KCNQ5: variants seen among roughly 807,000 people sequenced by gnomAD.
KCNQ5 encodes the protein potassium voltage-gated channel subfamily KQT member 5.
In KCNQ5, 30 loss-of-function variants were observed where a neutral mutation model predicts 98.2. The ratio of observed to expected loss-of-function variants is 0.31; its 90% confidence interval spans 0.23 to 0.41. KCNQ5 has a LOEUF of 0.41. Ranked by LOEUF, KCNQ5 falls within the 10% of genes least tolerant of loss-of-function variation. The pLI is 1.00. For synonymous variants in KCNQ5, 458 were observed against 449.4 expected (o/e 1.02, Z -0.24); for missense variants, 835 against 1,182.5 (o/e 0.71, Z 4.31).
At chr6:72,834,251 G>T (rs1435836392) in intron 1 of KCNQ5, among the ~76,000 whole-genome samples, 3 of 151,954 alleles carry the variant, frequency 2.0e-5, no homozygotes, top group Admixed American at 2.0e-4. Context: ...TCATTAAATT[G>T]GGCTTGGATA....
At chr6:72,847,514 G>A (rs577362660) in intron 1 of KCNQ5, among the ~76,000 whole-genome samples, 1 of 149,012 alleles carries the variant, frequency 6.7e-6, no homozygotes, top group African/African-American at 2.6e-5. Context: ...CGATTTACCA[G>A]AAGTGGAAGA....
chr6:72,884,895 G>A (rs779564880), intron 1 of KCNQ5, among the ~76,000 whole-genome samples: 1 of 152,144 alleles, frequency 6.6e-6, no homozygotes, highest in Non-Finnish European at 1.5e-5. Context: ...TGGGATTACA[G>A]GCGTGAGCCA....
At position 73,122,109 on chromosome 6, in the gene KCNQ5, C is replaced by T. The variant is rs113040168; in HGVS notation, c.1220+1532C>T. Among the ~76,000 whole-genome samples, 410 of 152,146 alleles carry T rather than the reference C, an allele frequency of 2.7e-3. 1 individual carries two copies. The highest frequency in any genetic ancestry group is 9.2e-3 in the African/African-American group (382 of 41,508). ...TTTCAACATTTTGATATTAAAAAAC[C>T]GAAAATAGAACCTAACTCCTGTGCC... On this transcript the variant is annotated intron_variant, in intron 8 of 13. Transcript: ENST00000370398.
At chr6:72,681,104 G>T (rs1369136154) in intron 1 of KCNQ5, among the ~76,000 whole-genome samples, 1 of 152,212 alleles carries the variant, frequency 6.6e-6, no homozygotes, top group East Asian at 1.9e-4. Flanking sequence ...CAGGACACAA[G>T]TTGAGTGAGC....
intron 1 of KCNQ5, among the ~76,000 whole-genome samples, chr6:72,760,853 A>G (rs1373557792): frequency 6.6e-6 from 1 of 152,130 alleles, no homozygotes; most frequent in East Asian, 1.9e-4. Flanking sequence ...TTCGCAAGGA[A>G]TGCGTTAGTT....
chr6:72,752,802 A>G (rs1771752915), intron 1 of KCNQ5, among the ~76,000 whole-genome samples: 2 of 152,250 alleles, frequency 1.3e-5, no homozygotes, highest in South Asian at 4.1e-4. Context: ...ATTTTCTACA[A>G]GTATTAATAC....
At position 73,169,841 on chromosome 6, in the gene KCNQ5, A is replaced by C; in HGVS notation, c.1564A>C (p.Ile522Leu). The C allele has an allele frequency of 6.2e-7, 1 of 1,607,608 alleles. No individual in the cohort carries two copies. The highest frequency in any genetic ancestry group is 8.5e-7 in the Non-Finnish European group (1 of 1,174,012). Residue 522 changes from isoleucine to leucine, a missense_variant, in exon 11 of 14, where the codon ATT becomes CTT. Physicochemically the swap from Ile to Leu is conservative, Grantham distance 5. Around this residue, in one of 10 missense-constraint regions of KCNQ5, gnomAD observed 146 missense variants for 256.7 expected, o/e 0.57. Coordinates refer to ENST00000370398, the MANE Select transcript of KCNQ5 (RefSeq NM_019842.4). ...EDLTPPLKTV[I>L]RAIRIMKFHV... ...CCTCACCCCACCACTTAAAACTGTC[A>C]TTCGAGCTATCAGGTTGGTGAAAAT...
At chr6:73,155,542 T>C (rs1233064032) in intron 10 of KCNQ5, among the ~76,000 whole-genome samples, 1 of 152,210 alleles carries the variant, frequency 6.6e-6, no homozygotes, top group African/African-American at 2.4e-5. Context: ...AAGGCCATTA[T>C]AAGATGAGGC....
chr6:72,627,713 C>T (rs986190282), intron 1 of KCNQ5, among the ~76,000 whole-genome samples: 5 of 152,178 alleles, frequency 3.3e-5, no homozygotes, highest in Admixed American at 6.5e-5. Flanking sequence ...GCATAGACTA[C>T]TATATAGCTA....
chr6:72,980,556 G>A (rs1447931028), intron 1 of KCNQ5, among the ~76,000 whole-genome samples: 1 of 152,166 alleles, frequency 6.6e-6, no homozygotes, highest in Non-Finnish European at 1.5e-5. Flanking sequence ...TTGCTTATTA[G>A]CTTAAGGAGA....
At position 72,984,710 on chromosome 6, in the gene KCNQ5, G is replaced by T. The variant is rs543975997; in HGVS notation, c.399-19198G>T. On this transcript the variant is annotated intron_variant, in intron 1 of 13. Coordinates refer to ENST00000370398, the MANE Select transcript of KCNQ5 (RefSeq NM_019842.4). ...GCCCTGCTTCAGCTCACCCTCCATG[G>T]GCTGCACCCACTGTCCAACTGGTCC... 7.2e-5 allele frequency among the ~76,000 whole-genome samples: 11 copies of T among 152,218 alleles called. No homozygotes were observed. In the South Asian group the frequency reaches 2.3e-3, roughly 32 times the overall value.
chr6:72,668,173 G>A (rs1766923060), intron 1 of KCNQ5, among the ~76,000 whole-genome samples: 1 of 152,116 alleles, frequency 6.6e-6, no homozygotes, highest in South Asian at 2.1e-4. Flanking sequence ...CGATAGTACA[G>A]GGTGTACAAT....
chr6:72,821,448 T>A (rs577499366), intron 1 of KCNQ5, among the ~76,000 whole-genome samples: 1 of 152,242 alleles, frequency 6.6e-6, no homozygotes, highest in African/African-American at 2.4e-5. Flanking sequence ...CTTGTCTACC[T>A]CCCAAATAGT....
At chr6:72,958,271 T>C (rs1480971981) in intron 1 of KCNQ5, among the ~76,000 whole-genome samples, 1 of 152,170 alleles carries the variant, frequency 6.6e-6, no homozygotes, top group Non-Finnish European at 1.5e-5. Flanking sequence ...AGGTTACCAG[T>C]TGGGAAGATG....
chr6:73,169,470 CA>C (rs1488209226), intron 10 of KCNQ5, among the ~76,000 whole-genome samples: 1 of 152,188 alleles, frequency 6.6e-6, no homozygotes, highest in East Asian at 1.9e-4. Flanking sequence ...ATAGGTGGAT[CA>C]ACACAAATCC....
chr6:72,779,839 GT>G, intron 1 of KCNQ5, among the ~76,000 whole-genome samples: 1 of 47,674 alleles, frequency 2.1e-5, no homozygotes, highest in South Asian at 1.2e-3. Flanking sequence ...GTGTGTGTGT[GT>G]GTGTGTGTGT....
chr6:73,003,657 A>G (rs1051001831), intron 1 of KCNQ5, among the ~76,000 whole-genome samples: 2 of 152,148 alleles, frequency 1.3e-5, no homozygotes, highest in African/African-American at 4.8e-5. Flanking sequence ...TAACATTTAA[A>G]TGCAGCATGC....
intron 1 of KCNQ5, among the ~76,000 whole-genome samples, chr6:72,881,162 T>C (rs551368534): frequency 4.3e-4 from 65 of 152,338 alleles, no homozygotes; most frequent in South Asian, 2.7e-3. Flanking sequence ...GAAACTCTTA[T>C]TATCACTATC....
intron 10 of KCNQ5, chr6:73,134,400 G>A (rs1458287656): frequency 1.3e-5 from 2 of 153,188 alleles, no homozygotes; most frequent in African/African-American, 2.4e-5. Flanking sequence ...AAATCAAATA[G>A]CATTTCCCAT....
Sources: allele counts gnomAD v4.1 joint callset (sites outside exome capture counted in the v4.1 genomes callset), GRCh38; gene constraint gnomAD v4.1.1; regional missense constraint gnomAD v4.1.1; transcripts MANE v1.5; gene names NCBI Gene and HGNC (gene_info 2026-07-23, HGNC 2026-07-21).